The following SPTA1 variants were observed in gnomAD, a reference collection of about 807,000 sequenced individuals.
SPTA1 encodes the protein spectrin alpha, erythrocytic 1.
SPTA1 carries 177 observed loss-of-function variants against 324.7 expected under a neutral mutation model. The observed-to-expected ratio is 0.55, with a 90% CI of 0.48 to 0.62. SPTA1 has a LOEUF of 0.62. Among genes scored for constraint, SPTA1 ranks in the 20% least tolerant of loss-of-function variants. The pLI, the probability that SPTA1 is intolerant of heterozygous loss-of-function variation, is 0.00. For synonymous variants in SPTA1, 1,195 were observed against 1,041.3 expected, an observed-to-expected ratio of 1.15 and a Z score of -2.84; for missense variants, 3,162 against 2,883.6, an observed-to-expected ratio of 1.10 and a Z score of -2.21.
chr1:158,637,396 C>T (rs543131983), intron 36 of SPTA1, among the ~76,000 whole-genome samples: 4 of 152,126 alleles, frequency 2.6e-5, no homozygotes, highest in African/African-American at 4.8e-5. Context: ...AGAAGAGAAG[C>T]GTGATGAGGC....
At position 158,647,578 on chromosome 1, in the gene SPTA1, T is replaced by C; in HGVS notation, c.3857A>G (p.Asn1286Ser). The C allele has an allele frequency of 6.2e-7, 1 of 1,613,796 alleles. No homozygotes were observed. The highest frequency in any genetic ancestry group is 8.5e-7 in the Non-Finnish European group (1 of 1,179,878). Reference sequence around the variant, plus strand: ...GAACAGGTAGAATTTCTGGGCCTCATTTAGGCTCTCCTTACGATCCTTTGT... The same window carrying C: ...GAACAGGTAGAATTTCTGGGCCTCACTTAGGCTCTCCTTACGATCCTTTGT... ...GRTKDRKESL[N>S]EAQKFYLFLS... Residue 1286 changes from asparagine (N) to serine (S), a missense_variant, in exon 27 of 52, where the codon AAT (asparagine) becomes AGT (serine). By Grantham distance (46) the Asn-to-Ser change is conservative. Transcript: ENST00000643759.
chr1:158,652,444 A>G (rs1020055818), intron 23 of SPTA1, 23 bp downstream of exon 23: 9 of 1,611,480 alleles, frequency 5.6e-6, no homozygotes, highest in Non-Finnish European at 7.6e-6. Context: ...GGCAACCTTC[A>G]AGAGAAGGTT....
chr1:158,640,657 A>G (rs528721185), intron 33 of SPTA1, among the ~76,000 whole-genome samples: 8 of 152,298 alleles, frequency 5.3e-5, no homozygotes, highest in Admixed American at 5.2e-4. Context: ...CCACTGCTCA[A>G]TGAAATAAAA....
At chr1:158,676,759 T>A (rs1350450693) in intron 7 of SPTA1, among the ~76,000 whole-genome samples, 1 of 152,140 alleles carries the variant, frequency 6.6e-6, no homozygotes, top group Non-Finnish European at 1.5e-5. Context: ...TAATGCTGGA[T>A]AATTTTCAGC....
chr1:158,644,507 C>T lies in SPTA1; in HGVS notation c.4195-111G>A, dbSNP rs1272752417. 5.5e-6 allele frequency: 7 copies of T among 1,282,240 alleles called. No individual in the cohort carries two copies. The East Asian group carries it at 1.6e-4, about 30-fold the overall frequency. The allele number at this position is 1,282,240 out of a possible 1,614,324, so 79.4% of individuals were successfully genotyped here. On this transcript the variant is annotated intron_variant, in intron 29 of 51. Coordinates refer to ENST00000643759, the MANE Select transcript of SPTA1 (RefSeq NM_003126.4). ...AAAGGGTTTTGCAAGGAGTACTTAC[C>T]ATCTTCCAAGAAACACTCATGTGAC...
intron 51 of SPTA1, 83 bp from the exon 52 acceptor site, chr1:158,611,472 A>C: frequency 1.3e-6 from 2 of 1,525,848 alleles, no homozygotes; most frequent in Non-Finnish European, 1.8e-6. Flanking sequence ...TACGCCATAA[A>C]TGCAGGAGAT....
At position 158,686,475 on chromosome 1, in the gene SPTA1, A is replaced by AAG; in HGVS notation, c.24+17_24+18dup. 6.6e-7 allele frequency: 1 copy of AAG among 1,519,464 alleles called. No homozygotes were observed. Among genetic ancestry groups the AAG allele is most frequent in the Non-Finnish European group, 9.1e-7 (1 of 1,094,774 alleles). The allele number at this position is 1,519,464 out of a possible 1,614,324, so 94.1% of individuals were successfully genotyped here. On this transcript the variant is annotated intron_variant, in intron 1 of 51. Transcript: ENST00000643759. ...ATAATATTAATGACAAATTGCATGG[A>AAG]AGAGAAATATGTACTTACGGTTTCC...
At chr1:158,671,943 T>G in intron 11 of SPTA1, 116 bp downstream of exon 11, 3 of 1,356,844 alleles carry the variant, frequency 2.2e-6, no homozygotes, top group Non-Finnish European at 2.1e-6. Flanking sequence ...ACCCTTTAGT[T>G]CCCAAGACAA....
chr1:158,638,324 C>G lies in SPTA1; in HGVS notation c.4981-83G>C, dbSNP rs562194249. ...CACTTTAACAACAGCTGGTCTGGCT[C>G]AAAGACTGGGCCAAATGGATTGCTT... On this transcript the variant is annotated intron_variant, in intron 35 of 51. Coordinates refer to ENST00000643759, the MANE Select transcript of SPTA1 (RefSeq NM_003126.4). The G allele has an allele frequency of 8.0e-5, 111 of 1,382,656 alleles. No individual in the cohort carries two copies. The African/African-American group carries it at 1.4e-3, about 18-fold the overall frequency. 85.6% of individuals were successfully genotyped at this position (1,382,656 alleles called of 1,614,324 possible).
rs184246248 is a variant in SPTA1 at position 158,635,802 on chromosome 1, T to C, written c.5432+111A>G. 8.8e-5 allele frequency: 132 copies of C among 1,501,596 alleles called. No individual in the cohort carries two copies. The East Asian group carries it at 2.4e-3, about 28-fold the overall frequency. 93.0% of individuals were successfully genotyped at this position (1,501,596 alleles called of 1,614,324 possible). On this transcript the variant is annotated intron_variant, in intron 38 of 51. Coordinates refer to ENST00000643759, the MANE Select transcript of SPTA1 (RefSeq NM_003126.4). The stretch of plus-strand genomic sequence containing the variant: ...TTGAGAAGGGACTTAAGGAGATAGA[T>C]AGGTAGTTGGGGATAGCAGACAATG...
At chr1:158,618,124 CT>C in intron 45 of SPTA1, 68 bp from the exon 46 acceptor site, 1 of 1,423,154 alleles carries the variant, frequency 7.0e-7, no homozygotes, top group Non-Finnish European at 9.9e-7. Context: ...AAATGGATTA[CT>C]TTAAAGATCT....
Position 158,681,612 on chromosome 1 carries a change from T to C in SPTA1, c.446A>G (p.Glu149Gly). ...GGCCCGCAGCAACTGGTCACCCTTC[T>C]CCAGGGTCAGCTCTAACAGCAGGTC... ...LWDLLLELTL[E>G]KGDQLLRALK... The change falls in exon 4 of 52, where the codon GAG (glutamate) becomes GGG (glycine). Residue 149 changes from glutamate (E) to glycine (G), a missense_variant. Physicochemically the swap from Glu to Gly is moderately conservative, Grantham distance 98 (BLOSUM62 -2). Coordinates refer to ENST00000643759, the MANE Select transcript of SPTA1 (RefSeq NM_003126.4). The C allele has an allele frequency of 6.2e-7, 1 of 1,613,790 alleles. No individual in the cohort carries two copies. Among genetic ancestry groups the C allele is most frequent in the Non-Finnish European group, 8.5e-7 (1 of 1,179,816 alleles).
At chr1:158,644,449 AATG>A (rs1448339292) in intron 29 of SPTA1, 53 bp from the exon 30 acceptor site, 1 of 1,607,610 alleles carries the variant, frequency 6.2e-7, no homozygotes, top group Non-Finnish European at 8.5e-7. Context: ...GTGTGGAGGA[AATG>A]ATGTTACACC....
At chr1:158,656,688 A>T in intron 19 of SPTA1, 32 bp from the exon 20 acceptor site, 1 of 1,566,396 alleles carries the variant, frequency 6.4e-7, no homozygotes, top group Non-Finnish European at 8.8e-7. Context: ...CATCAGAATG[A>T]ATATAGGAGG....
rs775842163 is a variant in SPTA1, at chr1:158,685,165, G to T, written c.207C>A (p.Ile69=). The T allele has an allele frequency of 1.1e-5, 18 of 1,613,696 alleles. No homozygotes were observed. The highest frequency in any genetic ancestry group is 1.5e-5 in the Non-Finnish European group (18 of 1,179,838). The change falls in exon 2 of 52, where the codon ATC becomes ATA. Residue 69 remains isoleucine (I), a synonymous_variant. Transcript: ENST00000643759. The part of the protein sequence containing the change: ...KRDADDLGKW[I]MEKVNILTDK... Reference sequence around the variant, plus strand: ...CGGTTAAGATATTGACTTTCTCCATGATCCACTTCCCCAGATCATCTGCAT... The same window carrying T: ...CGGTTAAGATATTGACTTTCTCCATTATCCACTTCCCCAGATCATCTGCAT...
chr1:158,661,315 T>C lies in SPTA1; in HGVS notation c.2559A>G (p.Thr853=), dbSNP rs765269276. The C allele has an allele frequency of 6.2e-7, 1 of 1,613,948 alleles. No individual in the cohort carries two copies. The highest frequency in any genetic ancestry group is 2.2e-5 in the East Asian group (1 of 44,846). The change falls in exon 18 of 52, where the codon ACA becomes ACG. Residue 853 remains threonine (T), a synonymous_variant. Coordinates refer to ENST00000643759, the MANE Select transcript of SPTA1 (RefSeq NM_003126.4). ...CCTCTACCATTTTGTTTCCCCTTTCTGTTATCTCTTGAATGCGTGGTTCAT... is the reference window on the plus strand; with the variant it reads ...CCTCTACCATTTTGTTTCCCCTTTCCGTTATCTCTTGAATGCGTGGTTCAT... ...ASHEPRIQEI[T]ERGNKMVEEG... is the part of the protein sequence containing the mutation.
intron 40 of SPTA1, among the ~76,000 whole-genome samples, 151 bp downstream of exon 40, chr1:158,627,468 TAACCAC>T (rs1650354323): frequency 6.6e-6 from 1 of 152,208 alleles, no homozygotes; most frequent in Admixed American, 6.5e-5. Context: ...AATTATTTGC[TAACCAC>T]AACAACAACA....
rs753367314 is a variant in SPTA1, at chr1:158,652,522, C to G, written c.3320G>C (p.Gly1107Ala). Residue 1107 changes from glycine to alanine, a missense_variant, in exon 23 of 52, where the codon GGA (glycine) becomes GCA (alanine). Transcript: ENST00000643759. ...CTCCCAAACATCATCTAGTTCCACT[C>G]CAGTGTTTTCTGCCTTTTTCTCTTG... ...WIQEKKAENT[G>A]VELDDVWELQ... is the part of the protein sequence containing the mutation. The G allele has an allele frequency of 2.5e-6, 4 of 1,614,190 alleles. No individual in the cohort carries two copies. The South Asian group carries it at 3.3e-5, about 13-fold the overall frequency.
chr1:158,674,001 T>C (rs1654217736), intron 10 of SPTA1, among the ~76,000 whole-genome samples: 1 of 152,170 alleles, frequency 6.6e-6, no homozygotes, highest in East Asian at 1.9e-4. Context: ...ATTATTTACA[T>C]AGCATTTACA....
Sources: allele counts gnomAD v4.1 joint callset (sites outside exome capture counted in the v4.1 genomes callset), GRCh38; gene constraint gnomAD v4.1.1; transcripts MANE v1.5; gene names NCBI Gene and HGNC (gene_info 2026-07-23, HGNC 2026-07-21).